Variants in IL26 observed in about 807,000 individuals in gnomAD.
IL26 encodes interleukin 26.
Under a neutral mutation model 21.7 loss-of-function variants are expected in IL26, and 23 were observed. That is an observed-to-expected ratio of 1.06 (90% confidence interval 0.76 to 1.50). The LOEUF is 1.50. Ranked by LOEUF, IL26 falls within the 40% of genes most tolerant of loss-of-function variation. The pLI is 0.00. For missense variants in IL26, 204 were observed against 196.0 expected (o/e 1.04, Z -0.24); for synonymous variants, 63 against 67.8 (o/e 0.93, Z 0.34).
chr12:68,209,149 A>G (rs1045863025), intron 3 of IL26, among the ~76,000 whole-genome samples: 1 of 152,232 alleles, frequency 6.6e-6, no homozygotes, highest in African/African-American at 2.4e-5. Context: ...GAAAACCTCT[A>G]CTGATTGTTG....
At chr12:68,204,547 T>C (rs1220160835) in intron 3 of IL26, among the ~76,000 whole-genome samples, 2 of 152,160 alleles carry the variant, frequency 1.3e-5, no homozygotes, top group African/African-American at 4.8e-5. Flanking sequence ...CTGTGTCTTC[T>C]ACCTGGGAAA....
chr12:68,210,617 T>G (rs1463751655), intron 3 of IL26, among the ~76,000 whole-genome samples: 1 of 152,014 alleles, frequency 6.6e-6, no homozygotes, highest in African/African-American at 2.4e-5. Flanking sequence ...ATCCAACAAC[T>G]CAGTAGATAT....
intron 3 of IL26, among the ~76,000 whole-genome samples, chr12:68,210,016 G>GT (rs1298873341): frequency 6.6e-6 from 1 of 151,874 alleles, no homozygotes; most frequent in Admixed American, 6.6e-5. Flanking sequence ...CCTTCTTGTT[G>GT]TTTTTTGTTT....
At chr12:68,213,984 C>G (rs534032540) in intron 3 of IL26, among the ~76,000 whole-genome samples, 17 of 152,138 alleles carry the variant, frequency 1.1e-4, no homozygotes, top group African/African-American at 3.6e-4. Flanking sequence ...TTGAGGTAGG[C>G]ATTTACTGCT....
chr12:68,215,062 A>G (rs919675430), intron 3 of IL26, among the ~76,000 whole-genome samples: 1 of 152,218 alleles, frequency 6.6e-6, no homozygotes, highest in African/African-American at 2.4e-5. Flanking sequence ...TTATAAATAT[A>G]ACGAGTTATT....
intron 3 of IL26, among the ~76,000 whole-genome samples, chr12:68,205,596 G>T (rs1274328035): frequency 6.6e-6 from 1 of 152,190 alleles, no homozygotes. Flanking sequence ...GGAAGTGGAG[G>T]AGTTGGTCTT....
At chr12:68,202,325 G>A (rs1439761402) in intron 3 of IL26, among the ~76,000 whole-genome samples, 1 of 152,156 alleles carries the variant, frequency 6.6e-6, no homozygotes, top group Non-Finnish European at 1.5e-5. Context: ...AGCAACTCTC[G>A]AAACTCTATG....
chr12:68,223,597 G>C (rs188799926), intron 3 of IL26, among the ~76,000 whole-genome samples: 1 of 152,096 alleles, frequency 6.6e-6, no homozygotes, highest in Non-Finnish European at 1.5e-5. Flanking sequence ...TATCAGGCAA[G>C]GATTTAACAA....
At chr12:68,205,850 C>A (rs931466407) in intron 3 of IL26, among the ~76,000 whole-genome samples, 2 of 152,086 alleles carry the variant, frequency 1.3e-5, no homozygotes, top group Non-Finnish European at 2.9e-5. Context: ...TAATTGGAAC[C>A]CTTATGCCAA....
At position 68,201,809 on chromosome 12, in the gene IL26, C is replaced by A; in HGVS notation, c.*36G>T. 7.1e-7 allele frequency: 1 copy of A among 1,407,994 alleles called. No individual in the cohort carries two copies. Among genetic ancestry groups the A allele is most frequent in the Non-Finnish European group, 9.8e-7 (1 of 1,021,540 alleles). The allele number at this position is 1,407,994 out of a possible 1,614,324, so 87.2% of individuals were successfully genotyped here. On this transcript the variant is annotated 3_prime_UTR_variant, in exon 5 of 5. Coordinates refer to ENST00000229134, the MANE Select transcript of IL26 (RefSeq NM_018402.2). ...ATTTCTAGCAGTTCTTATTGTATTT[C>A]AAAATAACTGTAAAATCAATGTACT...
In IL26 at chr12:68,209,983, A is replaced by G. The variant is rs139056479; in HGVS notation, c.364-7900T>C. 4.6e-5 allele frequency among the ~76,000 whole-genome samples: 7 copies of G among 152,044 alleles called. No homozygotes were observed. In the East Asian group the frequency reaches 1.2e-3, roughly 25 times the overall value. On this transcript the variant is annotated intron_variant, in intron 3 of 4. Transcript: ENST00000229134. The stretch of plus-strand genomic sequence containing the variant: ...TCATTTTTATAGACCTCAATATACA[A>G]CTTCAGACTGGATCATAACCACCCT...
chr12:68,211,396 G>T (rs1167862466), intron 3 of IL26, among the ~76,000 whole-genome samples: 1 of 152,178 alleles, frequency 6.6e-6, no homozygotes, highest in Non-Finnish European at 1.5e-5. Flanking sequence ...TCAAGAAATT[G>T]ATTTCCTTTC....
chr12:68,217,896 A>G (rs952041877), intron 3 of IL26, among the ~76,000 whole-genome samples: 1 of 152,176 alleles, frequency 6.6e-6, no homozygotes, highest in East Asian at 1.9e-4. Flanking sequence ...AATGTCCTGA[A>G]CAAATACATT....
chr12:68,209,848 C>G (rs1365031645), intron 3 of IL26, among the ~76,000 whole-genome samples: 1 of 152,112 alleles, frequency 6.6e-6, no homozygotes, highest in African/African-American at 2.4e-5. Flanking sequence ...TGCATTCTCA[C>G]GGAGAATGGC....
Position 68,215,953 on chromosome 12 carries a change from G to GGATTACAGGCATGAGCCACCAT in IL26, c.363+9174_363+9195dup, listed in dbSNP as rs1283216017. 8.8e-4 allele frequency among the ~76,000 whole-genome samples: 133 copies of GGATTACAGGCATGAGCCACCAT among 150,994 alleles called. 2 individuals are homozygous for GGATTACAGGCATGAGCCACCAT. The highest frequency in any genetic ancestry group is 2.8e-3 in the African/African-American group (116 of 41,308). ...CCCACCTCAGCCTCCCAAAGTGCTG[G>GGATTACAGGCATGAGCCACCAT]GATTACAGGCATGAGCCACCATGCT... On this transcript the variant is annotated intron_variant, in intron 3 of 4. Transcript: ENST00000229134.
chr12:68,205,332 C>T (rs1868508227), intron 3 of IL26, among the ~76,000 whole-genome samples: 1 of 123,276 alleles, frequency 8.1e-6, no homozygotes. Flanking sequence ...AAACATTAGA[C>T]CCCCCCCAAA....
At position 68,202,027 on chromosome 12, in the gene IL26, T is replaced by C. The variant is rs780961280; in HGVS notation, c.420A>G (p.Ile140Met). The change falls in exon 4 of 5, where the codon ATA becomes ATG. Residue 140 changes from isoleucine to methionine, a missense_variant. By Grantham distance (10) the Ile-to-Met change is conservative (BLOSUM62 1). Transcript: ENST00000229134. ...EMKSITRMKR[I>M]FYRIGNKGIY... The stretch of plus-strand genomic sequence containing the variant: ...GATTTAGAATTCTTACCCTATAAAA[T>C]ATTCTTTTCATCCTGGTAATGGATT... 1.5e-5 allele frequency: 23 copies of C among 1,578,744 alleles called. No individual in the cohort carries two copies. The highest frequency in any genetic ancestry group is 2.0e-5 in the Non-Finnish European group (23 of 1,159,164).
intron 3 of IL26, among the ~76,000 whole-genome samples, chr12:68,217,541 T>C (rs976262602): frequency 2.0e-5 from 3 of 152,290 alleles, no homozygotes; most frequent in Non-Finnish European, 2.9e-5. Flanking sequence ...AACATCCAAA[T>C]AGGAGTAGAT....
intron 3 of IL26, among the ~76,000 whole-genome samples, chr12:68,211,431 G>C (rs973002707): frequency 7.9e-5 from 12 of 152,148 alleles, no homozygotes; most frequent in Non-Finnish European, 1.5e-4. Context: ...CCAGTAGTGA[G>C]ATTGCTGAAT....
Sources: gnomAD v4.1 joint callset for allele counts (sites outside exome capture counted in the v4.1 genomes callset) on GRCh38, gnomAD v4.1.1 for gene constraint, MANE v1.5 for transcripts, NCBI Gene and HGNC (gene_info 2026-07-23, HGNC 2026-07-21) for gene names.